Variants in DIXDC1 observed in about 807,000 individuals in gnomAD.
DIXDC1 encodes DIX domain containing 1, also known as dixin.
In DIXDC1, 64 loss-of-function variants were observed where a neutral mutation model predicts 103.1. The ratio of observed to expected loss-of-function variants is 0.62; its 90% CI spans 0.51 to 0.76. DIXDC1 has a LOEUF of 0.76. Among genes scored for constraint, DIXDC1 ranks in the 30% least tolerant of loss-of-function variants. The pLI, the probability that DIXDC1 is intolerant of heterozygous loss-of-function variation, is 0.00. For synonymous variants in DIXDC1, 266 were observed against 298.5 expected (o/e 0.89, Z 1.12); for missense variants, 759 against 834.2 (o/e 0.91, Z 1.11).
Position 111,995,470 on chromosome 11 carries a change from C to G in DIXDC1, c.1595C>G (p.Pro532Arg). ...CGCAACAGCTTCAGTGGCCACGATCCTCAGCACCACACTATTGACAGCTTG... is the reference window on the plus strand; with the variant it reads ...CGCAACAGCTTCAGTGGCCACGATCGTCAGCACCACACTATTGACAGCTTG... ...SLRNSFSGHD[P>R]QHHTIDSLEQ... The change falls in exon 16 of 20, where the codon CCT becomes CGT. Residue 532 changes from proline to arginine, a missense_variant. Pro to Arg is a moderately radical substitution (Grantham distance 103). This residue lies in a region of DIXDC1 where 657 missense variants were observed against 727.5 expected (regional missense o/e 0.90). Coordinates refer to ENST00000440460, the MANE Select transcript of DIXDC1 (RefSeq NM_001037954.4). The G allele has an allele frequency of 6.2e-7, 1 of 1,613,980 alleles. No homozygotes were observed. The highest frequency in any genetic ancestry group is 8.5e-7 in the Non-Finnish European group (1 of 1,179,904).
upstream of DIXDC1, among the ~76,000 whole-genome samples, chr11:111,935,929 A>G (rs117196650): frequency 4.4e-4 from 67 of 152,298 alleles, no homozygotes; most frequent in East Asian, 0.011. Flanking sequence ...GTTCTTTTTC[A>G]GAAACATCTT....
intron 1 of DIXDC1, among the ~76,000 whole-genome samples, chr11:111,940,200 TG>T (rs1377130575): frequency 2.0e-5 from 3 of 152,278 alleles, no homozygotes; most frequent in Non-Finnish European, 4.4e-5. Context: ...TGTATAGCCA[TG>T]CATGACAGAG....
At chr11:111,935,954 T>G (rs781895079), upstream of DIXDC1, among the ~76,000 whole-genome samples, 23 of 152,228 alleles carry the variant, frequency 1.5e-4, no homozygotes, top group Non-Finnish European at 2.4e-4. Context: ...TTTAGCAGCT[T>G]TAGACATTCA....
Position 112,019,926 on chromosome 11 carries a change from T to G in DIXDC1, c.*890T>G, listed in dbSNP as rs1449386865. 1 of 152,194 alleles carries G rather than the reference T, an allele frequency of 6.6e-6. No homozygotes were observed. The highest frequency in any genetic ancestry group is 2.1e-4 in the South Asian group (1 of 4,834). 9.4% of individuals were successfully genotyped at this position (152,194 alleles called of 1,614,324 possible). A position where few individuals can be genotyped will look rare whatever the true frequency, so the allele number is the denominator to read the frequency against. On this transcript the variant is annotated 3_prime_UTR_variant, in exon 20 of 20. Transcript: ENST00000440460. ...CATGACTTTAACTCATGGCATCTCC[T>G]TTGTAGTAAAAGGAGACAGACCATT...
intron 1 of DIXDC1, chr11:111,928,601 A>C (rs1298834192): frequency 2.0e-5 from 3 of 151,846 alleles, no homozygotes; most frequent in Non-Finnish European, 2.9e-5. Context: ...TCTCTACTAA[A>C]AATAAAAAAA....
intron 17 of DIXDC1, among the ~76,000 whole-genome samples, chr11:111,999,147 T>C (rs1345932775): frequency 6.6e-6 from 1 of 152,262 alleles, no homozygotes; most frequent in African/African-American, 2.4e-5. Flanking sequence ...AAGGCAAATG[T>C]TTCTCATTCC....
At chr11:111,996,017 T>A in intron 16 of DIXDC1, 63 bp from the exon 17 acceptor site, 1 of 1,492,822 alleles carries the variant, frequency 6.7e-7, no homozygotes, top group Non-Finnish European at 9.3e-7. Flanking sequence ...TTTTATGATT[T>A]AAATTTCTTG....
At chr11:112,005,911 G>A (rs2081509) in intron 17 of DIXDC1, among the ~76,000 whole-genome samples, 2,138 of 152,228 alleles carry the variant, frequency 0.014, 50 homozygotes, top group African/African-American at 0.049. Context: ...AGGCCAAGGC[G>A]GGCAGATTAC....
intron 1 of DIXDC1, among the ~76,000 whole-genome samples, chr11:111,956,022 A>T (rs957373347): frequency 6.7e-6 from 1 of 150,238 alleles, no homozygotes; most frequent in Non-Finnish European, 1.5e-5. Context: ...ACACACACAC[A>T]CGGTGGACTA....
Position 112,017,127 on chromosome 11 carries a change from G to A in DIXDC1, c.1862+331G>A, listed in dbSNP as rs1238628542. On this transcript the variant is annotated intron_variant, in intron 18 of 19. Transcript: ENST00000440460. The surrounding 1 kb of genome is among the most constrained non-coding windows in gnomAD (Gnocchi z 4.0). ...ATAGCTCCTGCTGATACAATGGATT[G>A]CAGCCTGGCACTCACTCCAGGACTA... is the stretch of plus-strand genomic sequence containing the variant. Among the ~76,000 whole-genome samples, 1 of 149,606 alleles carries A rather than the reference G, an allele frequency of 6.7e-6. No individual in the cohort carries two copies. The highest frequency in any genetic ancestry group is 2.0e-4 in the East Asian group (1 of 5,112).
At chr11:112,016,002 G>A (rs377747674) in intron 17 of DIXDC1, 8 of 151,312 alleles carry the variant, frequency 5.3e-5, no homozygotes, top group African/African-American at 1.9e-4. Flanking sequence ...GTAGAGATGG[G>A]GTTTCACCAT....
intron 14 of DIXDC1, 129 bp from the exon 15 acceptor site, chr11:111,994,890 A>G: frequency 1.1e-6 from 1 of 874,962 alleles, no homozygotes; most frequent in Non-Finnish European, 1.7e-6. Context: ...ACATTCTAAT[A>G]AAGAGAGCCA....
chr11:111,929,730 G>A, intron 1 of DIXDC1: 1 of 741,132 alleles, frequency 1.3e-6, no homozygotes, highest in South Asian at 2.0e-5. Context: ...TTTTGGGGAG[G>A]GGTCTGGCCC....
chr11:111,988,794 G>A (rs751907963), intron 9 of DIXDC1, among the ~76,000 whole-genome samples: 1 of 152,186 alleles, frequency 6.6e-6, no homozygotes, highest in Non-Finnish European at 1.5e-5. Context: ...TTAAGCCTGG[G>A]TGCCAACAGG....
At chr11:111,981,789 A>C (rs1335142359) in intron 6 of DIXDC1, among the ~76,000 whole-genome samples, 1 of 152,256 alleles carries the variant, frequency 6.6e-6, no homozygotes, top group Non-Finnish European at 1.5e-5. Context: ...CAGAGCAAAG[A>C]GACCTTAAAG....
intron 17 of DIXDC1, among the ~76,000 whole-genome samples, chr11:112,016,467 T>C (rs1555177724): frequency 6.6e-6 from 1 of 152,216 alleles, no homozygotes; most frequent in African/African-American, 2.4e-5. Flanking sequence ...TCCCCTACTA[T>C]GAGTGAGGAG....
At chr11:111,984,966 G>T (rs955381901) in intron 7 of DIXDC1, among the ~76,000 whole-genome samples, 1 of 152,170 alleles carries the variant, frequency 6.6e-6, no homozygotes, top group South Asian at 2.1e-4. Flanking sequence ...AAAAAGGTTT[G>T]TTTTTAGATT....
At chr11:112,010,824 C>T (rs1292906244) in intron 17 of DIXDC1, among the ~76,000 whole-genome samples, 13 of 152,074 alleles carry the variant, frequency 8.5e-5, no homozygotes, top group African/African-American at 2.4e-4. Context: ...AAGACTTAAA[C>T]GTTAGACCTA....
chr11:111,929,018 A>C (rs2137415380), intron 1 of DIXDC1, among the ~76,000 whole-genome samples: 1 of 152,108 alleles, frequency 6.6e-6, no homozygotes, highest in South Asian at 2.1e-4. Context: ...TCTACTAAAA[A>C]AGTACCAAAA....
Sources: gnomAD v4.1 joint callset for allele counts (sites outside exome capture counted in the v4.1 genomes callset) on GRCh38, gnomAD v4.1.1 for gene constraint, gnomAD v4.1.1 regional missense constraint, Gnocchi (gnomAD v3.1) non-coding constraint, MANE v1.5 for transcripts, NCBI Gene and HGNC (gene_info 2026-07-23, HGNC 2026-07-21) for gene names.